Variants in LPXN observed in about 807,000 individuals in gnomAD.
LPXN encodes leupaxin.
A neutral mutation model predicts 45.6 loss-of-function variants in LPXN; 28 were observed. That is an observed-to-expected ratio of 0.61 (90% confidence interval 0.45 to 0.84). LPXN has a LOEUF of 0.84. Among genes scored for constraint, LPXN ranks in the 40% least tolerant of loss-of-function variants. The pLI, the probability that LPXN is intolerant of heterozygous loss-of-function variation, is 0.00. For synonymous variants in LPXN, 166 were observed against 169.9 expected (o/e 0.98, Z 0.18); for missense variants, 459 against 475.0 (o/e 0.97, Z 0.31).
chr11:58,555,008 A>G, intron 3 of LPXN, 68 bp from the exon 4 acceptor site: 1 of 994,220 alleles, frequency 1.0e-6, no homozygotes, highest in Non-Finnish European at 1.6e-6. Context: ...CCACACATAA[A>G]GTACTGGAAA....
rs1421907224 is a variant in LPXN, at chr11:58,549,989, G to A, written c.644C>T (p.Ala215Val). The change falls in exon 6 of 9, where the codon GCT (alanine) becomes GTT (valine). Residue 215 changes from alanine to valine, a missense_variant. Transcript: ENST00000395074. ...TTTACTTACATCCAGGATGGGAGCAGCGCAGTAAGCACAGCGTGGAGAAAA... is the reference window on the plus strand; with the variant it reads ...TTTACTTACATCCAGGATGGGAGCAACGCAGTAAGCACAGCGTGGAGAAAA... ...QLFSPRCAYCAAPILDKVLTA... is the reference protein window; with the variant it reads ...QLFSPRCAYCVAPILDKVLTA... 1 of 1,614,248 alleles carries A rather than the reference G, an allele frequency of 6.2e-7. No individual in the cohort carries two copies. Among genetic ancestry groups the A allele is most frequent in the Non-Finnish European group, 8.5e-7 (1 of 1,180,046 alleles).
At chr11:58,561,672 G>C (rs1045373179) in intron 3 of LPXN, among the ~76,000 whole-genome samples, 2 of 152,222 alleles carry the variant, frequency 1.3e-5, no homozygotes, top group African/African-American at 4.8e-5. Flanking sequence ...AACAAATGCA[G>C]TTTCTTAGCA....
At chr11:58,563,720 A>C (rs1854447100) in intron 3 of LPXN, among the ~76,000 whole-genome samples, 1 of 152,248 alleles carries the variant, frequency 6.6e-6, no homozygotes, top group African/African-American at 2.4e-5. Flanking sequence ...ATATGGAAAG[A>C]AAAAGTAAAT....
chr11:58,550,240 C>T, intron 5 of LPXN, 94 bp from the exon 6 acceptor site: 1 of 1,181,928 alleles, frequency 8.5e-7, no homozygotes, highest in Non-Finnish European at 1.2e-6. Flanking sequence ...TCACATTGTA[C>T]CCCTTGTAGA....
At position 58,527,591 on chromosome 11, in the gene LPXN, T is replaced by C. The variant is rs1265894288; in HGVS notation, c.1024A>G (p.Ser342Gly). Residue 342 changes from serine (S) to glycine (G), a missense_variant, in exon 9 of 9, where the codon AGT becomes GGT. Physicochemically the swap from Ser to Gly is moderately conservative, Grantham distance 56 (BLOSUM62 0). Coordinates refer to ENST00000395074, the MANE Select transcript of LPXN (RefSeq NM_004811.3). Reference sequence around the variant, plus strand: ...GGATGGAACTTGTACCCCATGGCACTGATACAACGGCCAGTGATGGGCTGC... The same window carrying C: ...GGATGGAACTTGTACCCCATGGCACCGATACAACGGCCAGTGATGGGCTGC... ...CGQPITGRCISAMGYKFHPEH... is the reference protein window; with the variant it reads ...CGQPITGRCIGAMGYKFHPEH... 1.2e-6 allele frequency: 2 copies of C among 1,614,162 alleles called. No homozygotes were observed. The highest frequency in any genetic ancestry group is 2.2e-5 in the East Asian group (1 of 44,880).
chr11:58,545,006 A>G (rs186217484), intron 7 of LPXN, among the ~76,000 whole-genome samples: 3 of 152,246 alleles, frequency 2.0e-5, no homozygotes, highest in Non-Finnish European at 4.4e-5. Context: ...GTGACTATCT[A>G]ACTTGGGGTG....
upstream of LPXN, chr11:58,575,927 T>C: frequency 6.8e-7 from 1 of 1,476,686 alleles, no homozygotes; most frequent in Middle Eastern, 2.3e-4. Context: ...TTCCTCTCTT[T>C]TGATTTGGTG....
At chr11:58,558,392 C>G (rs1026345540) in intron 3 of LPXN, among the ~76,000 whole-genome samples, 1 of 151,358 alleles carries the variant, frequency 6.6e-6, no homozygotes, top group Non-Finnish European at 1.5e-5. Flanking sequence ...TAAAAATCAG[C>G]CAGATGTGGT....
chr11:58,560,810 G>C (rs1854351560), intron 3 of LPXN, among the ~76,000 whole-genome samples: 1 of 152,112 alleles, frequency 6.6e-6, no homozygotes, highest in Non-Finnish European at 1.5e-5. Context: ...TGTGTGTCCT[G>C]AATTATCTGC....
At chr11:58,563,574 G>A (rs1239556123) in intron 3 of LPXN, among the ~76,000 whole-genome samples, 1 of 152,208 alleles carries the variant, frequency 6.6e-6, no homozygotes, top group Non-Finnish European at 1.5e-5. Flanking sequence ...GAGAGAATAA[G>A]TAAGTTAATC....
At chr11:58,576,131 C>G (rs1479545772), upstream of LPXN, among the ~76,000 whole-genome samples, 2 of 151,600 alleles carry the variant, frequency 1.3e-5, no homozygotes, top group East Asian at 1.9e-4. Context: ...CTTATACTTG[C>G]GTTTTTTCCA....
chr11:58,559,844 C>T (rs902668930), intron 3 of LPXN, among the ~76,000 whole-genome samples: 6 of 152,106 alleles, frequency 3.9e-5, no homozygotes, highest in Admixed American at 6.6e-5. Context: ...CCACTGTTCT[C>T]CATCCTGGGC....
upstream of LPXN, chr11:58,575,892 T>C: frequency 6.3e-7 from 1 of 1,583,314 alleles, no homozygotes; most frequent in Non-Finnish European, 8.6e-7. Context: ...TATAAACCTT[T>C]TTGGTTCCTG....
chr11:58,551,908 G>A (rs564556595), intron 4 of LPXN, among the ~76,000 whole-genome samples: 4 of 152,132 alleles, frequency 2.6e-5, no homozygotes, highest in East Asian at 1.9e-4. Flanking sequence ...GGAAGGCCCC[G>A]AGGAATAAAA....
chr11:58,571,710 C>A (rs977427122), intron 1 of LPXN, among the ~76,000 whole-genome samples: 1 of 148,270 alleles, frequency 6.7e-6, no homozygotes, highest in Admixed American at 6.7e-5. Context: ...CTATCTGTTA[C>A]AATGAAATAA....
chr11:58,532,818 C>T (rs1400287851), intron 7 of LPXN, among the ~76,000 whole-genome samples: 1 of 152,208 alleles, frequency 6.6e-6, no homozygotes, highest in African/African-American at 2.4e-5. Context: ...ACTTGGGTCC[C>T]CTTCCACACT....
intron 7 of LPXN, among the ~76,000 whole-genome samples, chr11:58,538,461 C>T (rs1407395969): frequency 1.3e-5 from 2 of 151,914 alleles, no homozygotes; most frequent in Non-Finnish European, 2.9e-5. Context: ...TAATGATTGC[C>T]ATTCTAACTG....
intron 7 of LPXN, among the ~76,000 whole-genome samples, chr11:58,538,333 C>A (rs141242263): frequency 0.016 from 2,368 of 152,120 alleles, 62 homozygotes; most frequent in African/African-American, 0.054. Context: ...TTCTAGATCC[C>A]TGAGGAATCG....
intron 7 of LPXN, among the ~76,000 whole-genome samples, chr11:58,536,764 A>T (rs1484525263): frequency 6.6e-6 from 1 of 152,192 alleles, no homozygotes; most frequent in Non-Finnish European, 1.5e-5. Flanking sequence ...TATCCATCTG[A>T]CAAAGGGCTA....
Sources: gnomAD v4.1 joint callset for allele counts (sites outside exome capture counted in the v4.1 genomes callset) on GRCh38, gnomAD v4.1.1 for gene constraint, MANE v1.5 for transcripts, NCBI Gene and HGNC (gene_info 2026-07-23, HGNC 2026-07-21) for gene names.